SOS1: variants seen among roughly 807,000 people sequenced by gnomAD.
SOS1 encodes the protein son of sevenless homolog 1.
Under a neutral mutation model 157.6 loss-of-function variants are expected in SOS1, and 25 were observed. The observed-to-expected ratio is 0.16, with a 90% CI of 0.12 to 0.22. The LOEUF (loss-of-function observed/expected upper bound fraction) is 0.22, where lower values mean the gene tolerates loss of function less well. SOS1 is among the 10% of genes least tolerant of loss of function. The pLI, the probability that SOS1 is intolerant of heterozygous loss-of-function variation, is 1.00. For missense variants in SOS1, 1,237 were observed against 1,599.1 expected, an observed-to-expected ratio of 0.77 and a Z score of 3.86; for synonymous variants, 528 against 534.0, an observed-to-expected ratio of 0.99 and a Z score of 0.16.
At chr2:39,008,880 A>G (rs1669368020) in intron 15 of SOS1, among the ~76,000 whole-genome samples, 1 of 138,622 alleles carries the variant, frequency 7.2e-6, no homozygotes, top group Non-Finnish European at 1.5e-5. Flanking sequence ...GCTACACTAT[A>G]TTATCTGAAA....
At chr2:39,123,158 C>T (rs1009525608), upstream of SOS1, among the ~76,000 whole-genome samples, 2 of 152,118 alleles carry the variant, frequency 1.3e-5, no homozygotes, top group African/African-American at 4.8e-5. Flanking sequence ...CTAACTGTTC[C>T]CTTGGCTGGT....
chr2:39,046,346 T>C (rs1274442539), intron 6 of SOS1, among the ~76,000 whole-genome samples: 1 of 152,160 alleles, frequency 6.6e-6, no homozygotes, highest in Non-Finnish European at 1.5e-5. Context: ...CTTTACATAC[T>C]GTATATTTTG....
At chr2:39,060,381 CCTT>C (rs1430130767) in intron 2 of SOS1, among the ~76,000 whole-genome samples, 1 of 152,156 alleles carries the variant, frequency 6.6e-6, no homozygotes, top group East Asian at 1.9e-4. Flanking sequence ...ACAAACCTGT[CCTT>C]ATTATATGTA....
chr2:38,986,388 T>G, intron 22 of SOS1, 73 bp from the exon 23 acceptor site: 1 of 1,394,722 alleles, frequency 7.2e-7, no homozygotes, highest in Non-Finnish European at 9.8e-7. Flanking sequence ...AGAATTAAGT[T>G]GGGGTTTTCA....
At chr2:38,990,823 T>G (rs1668710465) in intron 20 of SOS1, among the ~76,000 whole-genome samples, 1 of 152,224 alleles carries the variant, frequency 6.6e-6, no homozygotes, top group African/African-American at 2.4e-5. Context: ...ACTAGTTGTC[T>G]TATTGCCTGG....
chr2:39,113,650 A>G (rs969311270), intron 1 of SOS1, among the ~76,000 whole-genome samples: 1 of 152,232 alleles, frequency 6.6e-6, no homozygotes, highest in African/African-American at 2.4e-5. Context: ...AGGAAGCCGT[A>G]ATAGTATCCT....
At chr2:39,077,137 G>A (rs564688300) in intron 1 of SOS1, among the ~76,000 whole-genome samples, 10 of 152,162 alleles carry the variant, frequency 6.6e-5, no homozygotes, top group South Asian at 2.1e-4. Context: ...GAGGTCAGGC[G>A]TTCGACACCA....
intron 6 of SOS1, among the ~76,000 whole-genome samples, chr2:39,036,248 G>A (rs2124564283): frequency 6.6e-6 from 1 of 152,284 alleles, no homozygotes; most frequent in South Asian, 2.1e-4. Context: ...CTAGCAAGAG[G>A]AATAGGACAT....
intron 2 of SOS1, among the ~76,000 whole-genome samples, chr2:39,060,512 C>T (rs911544818): frequency 1.3e-5 from 2 of 152,136 alleles, no homozygotes; most frequent in Non-Finnish European, 2.9e-5. Flanking sequence ...CTGCGACCAC[C>T]ACTCTCAGGT....
chr2:39,107,775 T>C (rs1673255413), intron 1 of SOS1, among the ~76,000 whole-genome samples: 1 of 152,190 alleles, frequency 6.6e-6, no homozygotes, highest in South Asian at 2.1e-4. Flanking sequence ...TCCAAAATTC[T>C]GTAGGTACTA....
intron 1 of SOS1, chr2:39,082,489 CAG>C (rs1275549415): frequency 7.2e-6 from 1 of 139,046 alleles, no homozygotes; most frequent in Admixed American, 7.0e-5. Flanking sequence ...TAAAGAGAAA[CAG>C]AGAAAAACCC....
chr2:39,025,966 G>T (rs1457163038), intron 8 of SOS1, among the ~76,000 whole-genome samples: 2 of 152,018 alleles, frequency 1.3e-5, no homozygotes, highest in Admixed American at 6.6e-5. Flanking sequence ...TTATTATCCA[G>T]ATTTCTTATA....
intron 20 of SOS1, chr2:38,992,316 C>G (rs1016395714): frequency 1.3e-5 from 2 of 152,136 alleles, no homozygotes; most frequent in Admixed American, 1.3e-4. Flanking sequence ...ATTTCAAAAT[C>G]AGTTATTTTC....
intron 1 of SOS1, among the ~76,000 whole-genome samples, chr2:39,074,680 C>G (rs1462176111): frequency 6.6e-6 from 1 of 152,022 alleles, no homozygotes; most frequent in African/African-American, 2.4e-5. Flanking sequence ...CCAGCCTGAC[C>G]AACATGGAGA....
chr2:39,003,797 CT>C (rs1333646811), intron 17 of SOS1, among the ~76,000 whole-genome samples: 1 of 152,148 alleles, frequency 6.6e-6, no homozygotes, highest in African/African-American at 2.4e-5. Context: ...GAAGAACCAA[CT>C]TTATCATCTG....
At chr2:39,096,149 G>T (rs1346688029) in intron 1 of SOS1, among the ~76,000 whole-genome samples, 1 of 152,064 alleles carries the variant, frequency 6.6e-6, no homozygotes, top group African/African-American at 2.4e-5. Flanking sequence ...CCTAGACAGG[G>T]GAAAGCAAGA....
At chr2:39,071,922 T>C (rs1481880479) in intron 1 of SOS1, among the ~76,000 whole-genome samples, 2 of 152,072 alleles carry the variant, frequency 1.3e-5, no homozygotes, top group Non-Finnish European at 2.9e-5. Flanking sequence ...TTTTTTTTTT[T>C]TCAACTTGTT....
At chr2:39,061,454 C>A (rs1176603903) in intron 2 of SOS1, among the ~76,000 whole-genome samples, 1 of 152,136 alleles carries the variant, frequency 6.6e-6, no homozygotes, top group East Asian at 1.9e-4. Context: ...ATGATGCAAT[C>A]ATAGCTCACT....
In SOS1 at chr2:39,054,841, TA is replaced by T. The variant is rs1558491293; in HGVS notation, c.511-19del. 8.6e-7 allele frequency: 1 copy of T among 1,156,180 alleles called. No homozygotes were observed. Among genetic ancestry groups the T allele is most frequent in the Non-Finnish European group, 1.3e-6 (1 of 767,930 alleles). The allele number at this position is 1,156,180 out of a possible 1,614,324, so 71.6% of individuals were successfully genotyped here. On this transcript the variant is annotated intron_variant, in intron 4 of 22. Transcript: ENST00000402219. ...ATCAATACCTATACAGTCAGAGATATAAAAAAGTATAATAAAATATGAAGCT... is the reference window on the plus strand; with the variant it reads ...ATCAATACCTATACAGTCAGAGATATAAAAAGTATAATAAAATATGAAGCT...
Sources: gnomAD v4.1 joint callset for allele counts (sites outside exome capture counted in the v4.1 genomes callset) on GRCh38, gnomAD v4.1.1 for gene constraint, MANE v1.5 for transcripts, NCBI Gene and HGNC (gene_info 2026-07-23, HGNC 2026-07-21) for gene names.